POLN: variants seen among roughly 807,000 people sequenced by gnomAD.
POLN encodes the protein DNA polymerase N.
Under a neutral mutation model 113.5 loss-of-function variants are expected in POLN, and 108 were observed. That is an observed-to-expected ratio of 0.95 (90% CI 0.81 to 1.12). The LOEUF (loss-of-function observed/expected upper bound fraction) is 1.12, where lower values mean the gene tolerates loss of function less well. Ranked by LOEUF, POLN falls within the 50% of genes most tolerant of loss-of-function variation. POLN has a pLI of 0.00. For synonymous variants in POLN, 386 were observed against 391.5 expected, an observed-to-expected ratio of 0.99 and a Z score of 0.17; for missense variants, 1,097 against 1,077.1, an observed-to-expected ratio of 1.02 and a Z score of -0.26.
chr4:2,119,919 G>A (rs992843349), intron 19 of POLN, among the ~76,000 whole-genome samples: 3 of 152,096 alleles, frequency 2.0e-5, no homozygotes, highest in Admixed American at 6.6e-5. Flanking sequence ...ACTAATACAA[G>A]CTAATAAAAT....
Position 2,131,221 on chromosome 4 carries a change from G to A in POLN, c.1789+12C>T, listed in dbSNP as rs1731720664. ...ACCAGAGACTTTAGCAAGGTAGTAA[G>A]AAATGAGTTACCTTTAAAATTCTTA... On this transcript the variant is annotated intron_variant, in intron 17 of 25. Coordinates refer to ENST00000511885, the MANE Select transcript of POLN (RefSeq NM_181808.4). 6.4e-7 allele frequency: 1 copy of A among 1,563,760 alleles called. No homozygotes were observed. The highest frequency in any genetic ancestry group is 1.1e-5 in the South Asian group (1 of 88,970).
intron 11 of POLN, 21 bp downstream of exon 11, chr4:2,173,934 C>G (rs763034274): frequency 6.2e-7 from 1 of 1,611,722 alleles, no homozygotes; most frequent in Non-Finnish European, 8.5e-7. Flanking sequence ...CCAGTACAAA[C>G]CATCTGGAAT....
At chr4:2,154,232 TA>T (rs2108738830) in intron 16 of POLN, among the ~76,000 whole-genome samples, 1 of 143,842 alleles carries the variant, frequency 7.0e-6, no homozygotes, top group South Asian at 2.2e-4. Flanking sequence ...AAAGACATTT[TA>T]AGTATGGCAA....
At chr4:2,226,623 C>G (rs545253589) in intron 3 of POLN, among the ~76,000 whole-genome samples, 25 of 152,264 alleles carry the variant, frequency 1.6e-4, no homozygotes, top group Admixed American at 2.6e-4. Context: ...TATAACAGTC[C>G]AATCTTTACT....
intron 16 of POLN, among the ~76,000 whole-genome samples, chr4:2,141,549 GGTGCGTTCT>G (rs892603191): frequency 1.3e-5 from 2 of 152,168 alleles, no homozygotes; most frequent in African/African-American, 4.8e-5. Flanking sequence ...GAAGGACTGC[GGTGCGTTCT>G]GTGCTCTCAG....
rs142801551 is a variant in POLN, at chr4:2,241,649, G to A, written c.-142C>T. 3.0e-6 allele frequency: 3 copies of A among 985,478 alleles called. No individual in the cohort carries two copies. Among genetic ancestry groups the A allele is most frequent in the African/African-American group, 3.5e-5 (2 of 57,376 alleles). The allele number at this position is 985,478 out of a possible 1,614,324, so 61.0% of individuals were successfully genotyped here. ...GGGCCGGCCTTCAGCCAGCGCTGAG[G>A]CAGCCCCGACGCCAGGGCCGCGCGA... On this transcript the variant is annotated 5_prime_UTR_variant, in exon 2 of 26. Coordinates refer to ENST00000511885, the MANE Select transcript of POLN (RefSeq NM_181808.4).
intron 2 of POLN, chr4:2,234,629 A>G (rs997107753): frequency 2.0e-5 from 3 of 152,294 alleles, no homozygotes; most frequent in Admixed American, 2.0e-4. Flanking sequence ...AACTTACTGG[A>G]AAAGTGTAAA....
At chr4:2,194,751 G>A (rs908486856) in intron 6 of POLN, among the ~76,000 whole-genome samples, 2 of 152,098 alleles carry the variant, frequency 1.3e-5, no homozygotes, top group Non-Finnish European at 2.9e-5. Context: ...AGGCGTGGTG[G>A]TGCATGCCTG....
chr4:2,174,812 T>C (rs1732954248), intron 9 of POLN, 61 bp from the exon 10 acceptor site: 1 of 1,293,832 alleles, frequency 7.7e-7, no homozygotes, highest in South Asian at 1.3e-5. Flanking sequence ...CTGCATTTTG[T>C]TGAAAAGCCT....
chr4:2,189,520 T>TC (rs1438393070), intron 7 of POLN, among the ~76,000 whole-genome samples: 2 of 150,912 alleles, frequency 1.3e-5, no homozygotes, highest in African/African-American at 4.9e-5. Flanking sequence ...GCGCCTGTAG[T>TC]CCCAGCTACT....
intron 20 of POLN, among the ~76,000 whole-genome samples, chr4:2,091,263 C>G (rs1730655660): frequency 6.6e-6 from 1 of 152,180 alleles, no homozygotes; most frequent in African/African-American, 2.4e-5. Flanking sequence ...TACTTATGGC[C>G]AAGGGAGAAT....
chr4:2,225,973 A>AG (rs913159794), intron 3 of POLN, among the ~76,000 whole-genome samples: 41 of 152,098 alleles, frequency 2.7e-4, no homozygotes, highest in African/African-American at 9.6e-4. Context: ...TGGGCGACAG[A>AG]GCAAGACCCT....
chr4:2,236,253 C>T lies in POLN; in HGVS notation c.-13+5267G>A, dbSNP rs148044446. ...CTGATCACTAAGCAAAAGCTGATTT[C>T]CTCCTTGATACAAAGTATCACAAAG... On this transcript the variant is annotated intron_variant, in intron 2 of 25. Coordinates refer to ENST00000511885, the MANE Select transcript of POLN (RefSeq NM_181808.4). 6.0e-5 allele frequency: 96 copies of T among 1,611,832 alleles called. No homozygotes were observed. The African/African-American group carries it at 1.1e-3, about 18-fold the overall frequency.
intron 3 of POLN, among the ~76,000 whole-genome samples, chr4:2,224,359 C>T (rs1734333640): frequency 6.6e-6 from 1 of 152,122 alleles, no homozygotes; most frequent in Non-Finnish European, 1.5e-5. Context: ...AAGGACCTGC[C>T]TGGAGCTGTT....
intron 8 of POLN, among the ~76,000 whole-genome samples, chr4:2,177,816 C>T (rs1733032496): frequency 6.6e-6 from 1 of 152,160 alleles, no homozygotes; most frequent in African/African-American, 2.4e-5. Context: ...GGTGTAGACA[C>T]ATGGTACAAG....
At chr4:2,223,328 T>C (rs1734306544) in intron 3 of POLN, among the ~76,000 whole-genome samples, 3 of 152,094 alleles carry the variant, frequency 2.0e-5, no homozygotes, top group Admixed American at 2.0e-4. Flanking sequence ...GAGCAGCAGG[T>C]GAGTGAGCAT....
chr4:2,206,702 C>T (rs1733854391), intron 5 of POLN, among the ~76,000 whole-genome samples: 1 of 152,184 alleles, frequency 6.6e-6, no homozygotes. Flanking sequence ...AATGTAATAC[C>T]ATCTTACTCC....
chr4:2,123,311 G>A (rs1415859215), intron 19 of POLN, among the ~76,000 whole-genome samples: 3 of 151,812 alleles, frequency 2.0e-5, no homozygotes, highest in Non-Finnish European at 2.9e-5. Flanking sequence ...CCAACATGGC[G>A]AAACCTCATC....
chr4:2,164,802 CAAAAAAAAAAAAAAAAAAAAAA>C lies in POLN; in HGVS notation c.1555-5613_1555-5592del, dbSNP rs33935159. Among the ~76,000 whole-genome samples, 119 of 28,724 alleles carry C rather than the reference CAAAAAAAAAAAAAAAAAAAAAA, an allele frequency of 4.1e-3. 1 individual carries two copies. Among genetic ancestry groups the C allele is most frequent in the Non-Finnish European group, 6.0e-3 (87 of 14,522 alleles). The allele number at this position is 28,724 out of a possible 152,430, so 18.8% of individuals were successfully genotyped here. A position where few individuals can be genotyped will look rare whatever the true frequency, so the allele number is the denominator to read the frequency against. On this transcript the variant is annotated intron_variant, in intron 13 of 25. Coordinates refer to ENST00000511885, the MANE Select transcript of POLN (RefSeq NM_181808.4). ...TGGCCGATGGAGCAAGACTCTGTCT[CAAAAAAAAAAAAAAAAAAAAAA>C]AAAAAAAAAAAAAAAAAAGAGTGAT...
Sources: gnomAD v4.1 joint callset for allele counts (sites outside exome capture counted in the v4.1 genomes callset) on GRCh38, gnomAD v4.1.1 for gene constraint, MANE v1.5 for transcripts, NCBI Gene and HGNC (gene_info 2026-07-23, HGNC 2026-07-21) for gene names.